Variants in SEC14L1 observed in about 807,000 individuals in gnomAD.
SEC14L1 encodes SEC14 like lipid binding 1, also known as SEC14-like protein 1.
A neutral mutation model predicts 85.3 loss-of-function variants in SEC14L1; 48 were observed. The observed-to-expected ratio is 0.56, with a 90% CI of 0.45 to 0.72. The LOEUF (loss-of-function observed/expected upper bound fraction) is 0.72. Ranked by LOEUF, SEC14L1 falls within the 30% of genes least tolerant of loss-of-function variation. SEC14L1 has a pLI of 0.00. For missense variants in SEC14L1, 682 were observed against 921.4 expected, an observed-to-expected ratio of 0.74 and a Z score of 3.36; for synonymous variants, 391 against 355.5, an observed-to-expected ratio of 1.10 and a Z score of -1.12.
chr17:77,191,235 G>C lies in SEC14L1; in HGVS notation c.268G>C (p.Glu90Gln). The change falls in exon 5 of 17, where the codon GAA (glutamate) becomes CAA (glutamine). Residue 90 changes from glutamate to glutamine, a missense_variant. Around this residue, in one of 3 missense-constraint regions of SEC14L1, gnomAD observed 139 missense variants for 201.3 expected, o/e 0.69. Transcript: ENST00000436233. ...CCAGAAAAACTCACTGAATTCTCGG[G>C]AACGTACTTTGCACATTGAGGCTTA... is the stretch of plus-strand genomic sequence containing the variant. ...FVQKNSLNSRERTLHIEAYNE... is the reference protein window; with the variant it reads ...FVQKNSLNSRQRTLHIEAYNE... 6.2e-7 allele frequency: 1 copy of C among 1,613,846 alleles called. No individual in the cohort carries two copies. Among genetic ancestry groups the C allele is most frequent in the South Asian group, 1.1e-5 (1 of 91,068 alleles).
rs1976626590 is a variant in SEC14L1, at chr17:77,209,371, C to T, written c.1506C>T (p.Pro502=). The T allele has an allele frequency of 1.2e-6, 2 of 1,614,022 alleles. No individual in the cohort carries two copies. Among genetic ancestry groups the T allele is most frequent in the Admixed American group, 1.7e-5 (1 of 59,994 alleles). ...MCEVPEGGLV[P]KSLYRTAEEL... ...AAGTGCCAGAGGGTGGACTGGTCCC[C>T]AAATCTCTGTACCGGACTGCAGAGG... Residue 502 remains proline (P), a synonymous_variant, in exon 14 of 17, where the codon CCC becomes CCT. Transcript: ENST00000436233.
chr17:77,120,591 T>C (rs964099560), intron 3 of SEC14L1, among the ~76,000 whole-genome samples: 3 of 152,144 alleles, frequency 2.0e-5, no homozygotes, highest in African/African-American at 4.8e-5. Context: ...ATTCTCCTGC[T>C]TCAGCCTCCC....
chr17:77,193,289 C>G, intron 5 of SEC14L1, 132 bp from the exon 6 acceptor site: 1 of 773,286 alleles, frequency 1.3e-6, no homozygotes, highest in Non-Finnish European at 1.9e-6. Context: ...TTTTTTCCAT[C>G]TGCTGTCTTT....
In SEC14L1 at chr17:77,204,522, C is replaced by CATT. The variant is rs1555628453; in HGVS notation, c.1099-754_1099-753insATT. ...GGCTTGAGCCACCCTGCCCAGCCAG[C>CATT]TTTTTTTTTTTTTTTTTTTTTTTTT... On this transcript the variant is annotated intron_variant, in intron 10 of 16. Coordinates refer to ENST00000436233, the MANE Select transcript of SEC14L1 (RefSeq NM_001143998.2). Among the ~76,000 whole-genome samples the CATT allele has an allele frequency of 1.7e-4, 14 of 84,732 alleles. 2 individuals carry two copies. In the South Asian group the frequency reaches 2.3e-3, roughly 14 times the overall value. The allele number at this position is 84,732 out of a possible 152,430, so 55.6% of individuals were successfully genotyped here. A position where few individuals can be genotyped will look rare whatever the true frequency, so the allele number is the denominator to read the frequency against.
chr17:77,154,158 T>C (rs183707389), intron 3 of SEC14L1, among the ~76,000 whole-genome samples: 83 of 152,270 alleles, frequency 5.5e-4, no homozygotes, highest in African/African-American at 1.4e-3. Flanking sequence ...GTATTATAAG[T>C]AATGTAGAGA....
At chr17:77,148,776 G>A (rs1379648144) in intron 3 of SEC14L1, among the ~76,000 whole-genome samples, 2 of 152,204 alleles carry the variant, frequency 1.3e-5, no homozygotes, top group Admixed American at 6.5e-5. Flanking sequence ...GTGCTCCCCT[G>A]CCACACACTT....
intron 3 of SEC14L1, among the ~76,000 whole-genome samples, chr17:77,102,044 T>C (rs1350322058): frequency 6.6e-6 from 1 of 152,180 alleles, no homozygotes; most frequent in Non-Finnish European, 1.5e-5. Context: ...AGTCATCTGT[T>C]GGGGAAATAT....
Position 77,212,005 on chromosome 17 carries a change from G to T in SEC14L1, c.1667G>T (p.Cys556Phe). ...GTCATCACTTGGGATTTCGACGTGT[G>T]CAAAGGGGACATTGTGTTTAACATC... ...SSVITWDFDV[C>F]KGDIVFNIYH... The change falls in exon 15 of 17, where the codon TGC becomes TTC. Residue 556 changes from cysteine to phenylalanine, a missense_variant. By Grantham distance (205) the Cys-to-Phe change is radical (BLOSUM62 -2). Transcript: ENST00000436233. 1 of 1,614,128 alleles carries T rather than the reference G, an allele frequency of 6.2e-7. No individual in the cohort carries two copies. The highest frequency in any genetic ancestry group is 8.5e-7 in the Non-Finnish European group (1 of 1,180,036).
chr17:77,090,444 C>T (rs1971485934), intron 2 of SEC14L1, among the ~76,000 whole-genome samples: 1 of 145,568 alleles, frequency 6.9e-6, no homozygotes, highest in Non-Finnish European at 1.5e-5. Context: ...CACTTGAGCT[C>T]AGGAGTTCGC....
At chr17:77,156,136 A>G (rs1973806813) in intron 3 of SEC14L1, among the ~76,000 whole-genome samples, 1 of 152,070 alleles carries the variant, frequency 6.6e-6, no homozygotes, top group Non-Finnish European at 1.5e-5. Context: ...GGCTGCATGC[A>G]GTTGCTCCTG....
At chr17:77,191,938 A>T (rs1166588856) in intron 5 of SEC14L1, among the ~76,000 whole-genome samples, 1 of 151,740 alleles carries the variant, frequency 6.6e-6, no homozygotes, top group South Asian at 2.1e-4. Context: ...CTGGGATTAC[A>T]GGCACTCGCC....
chr17:77,101,929 A>G (rs567221408), intron 3 of SEC14L1, among the ~76,000 whole-genome samples: 3 of 152,270 alleles, frequency 2.0e-5, no homozygotes, highest in African/African-American at 7.2e-5. Flanking sequence ...CAGGGTCTCT[A>G]TGTCATGCAA....
At chr17:77,122,684 G>A (rs1283198552) in intron 3 of SEC14L1, among the ~76,000 whole-genome samples, 2 of 152,180 alleles carry the variant, frequency 1.3e-5, no homozygotes, top group Admixed American at 6.5e-5. Context: ...TAGCTGCCAC[G>A]AACAGATAAC....
At chr17:77,148,849 T>C (rs1240182100) in intron 3 of SEC14L1, among the ~76,000 whole-genome samples, 1 of 152,252 alleles carries the variant, frequency 6.6e-6, no homozygotes, top group Non-Finnish European at 1.5e-5. Context: ...TCTCAGCTCC[T>C]GTGCTTTTTT....
At chr17:77,162,683 G>T (rs887956954) in intron 3 of SEC14L1, among the ~76,000 whole-genome samples, 4 of 151,892 alleles carry the variant, frequency 2.6e-5, no homozygotes, top group African/African-American at 9.7e-5. Flanking sequence ...AATACAAAAT[G>T]AACTGGCGTG....
At chr17:77,203,702 C>T in intron 10 of SEC14L1, 44 bp downstream of exon 10, 1 of 1,478,640 alleles carries the variant, frequency 6.8e-7, no homozygotes, top group Non-Finnish European at 9.3e-7. Context: ...TGTGGCGTCA[C>T]TTTTTTTCTC....
At chr17:77,151,509 G>A (rs905262214) in intron 3 of SEC14L1, among the ~76,000 whole-genome samples, 1 of 152,098 alleles carries the variant, frequency 6.6e-6, no homozygotes, top group Non-Finnish European at 1.5e-5. Context: ...CTAGAGTGAA[G>A]GCAGTTGTGG....
chr17:77,134,439 C>T (rs1972725555), intron 3 of SEC14L1, among the ~76,000 whole-genome samples: 3 of 151,918 alleles, frequency 2.0e-5, no homozygotes, highest in South Asian at 2.1e-4. Flanking sequence ...TTGTTGAGGC[C>T]GGGTGCGGTG....
At chr17:77,140,576 C>G (rs1972951971), upstream of SEC14L1, among the ~76,000 whole-genome samples, 2 of 152,204 alleles carry the variant, frequency 1.3e-5, no homozygotes, top group South Asian at 2.1e-4. Context: ...CCGCAAACTT[C>G]CCTTTTCCCG....
Sources: gnomAD v4.1 joint callset for allele counts (sites outside exome capture counted in the v4.1 genomes callset) on GRCh38, gnomAD v4.1.1 for gene constraint, gnomAD v4.1.1 regional missense constraint, MANE v1.5 for transcripts, NCBI Gene and HGNC (gene_info 2026-07-23, HGNC 2026-07-21) for gene names.